The following CCSER1 variants were observed in gnomAD, a reference collection of about 807,000 sequenced individuals.
CCSER1 encodes coiled-coil serine rich protein 1.
Under a neutral mutation model 82.0 loss-of-function variants are expected in CCSER1, and 41 were observed. The observed-to-expected ratio is 0.50, with a 90% CI of 0.39 to 0.65. The LOEUF (loss-of-function observed/expected upper bound fraction) is 0.65. Among genes scored for constraint, CCSER1 ranks in the 30% least tolerant of loss-of-function variants. The probability of loss-of-function intolerance (pLI) is 0.00; values close to 1 mark genes in which losing one functional copy is unlikely to be tolerated. For missense variants in CCSER1, 1,119 were observed against 1,064.2 expected, an observed-to-expected ratio of 1.05 and a Z score of -0.72; for synonymous variants, 414 against 383.9, an observed-to-expected ratio of 1.08 and a Z score of -0.92.
At chr4:90,970,043 C>G (rs1215739107) in intron 9 of CCSER1, among the ~76,000 whole-genome samples, 2 of 150,322 alleles carry the variant, frequency 1.3e-5, no homozygotes, top group East Asian at 3.9e-4. Context: ...AAGAAAGAAA[C>G]AAAGAAACTG....
chr4:91,246,801 AG>A (rs1056331363), intron 10 of CCSER1, among the ~76,000 whole-genome samples: 3 of 149,478 alleles, frequency 2.0e-5, no homozygotes, highest in Non-Finnish European at 4.4e-5. Flanking sequence ...ATTTAAAAAA[AG>A]GCATCTCATA....
At chr4:91,217,656 A>T (rs569818530) in intron 10 of CCSER1, among the ~76,000 whole-genome samples, 3 of 152,302 alleles carry the variant, frequency 2.0e-5, no homozygotes, top group Admixed American at 1.3e-4. Context: ...CTTGAGTTAA[A>T]CACAGGGTGC....
At chr4:90,420,110 T>C (rs1756453078) in intron 4 of CCSER1, among the ~76,000 whole-genome samples, 1 of 151,988 alleles carries the variant, frequency 6.6e-6, no homozygotes, top group African/African-American at 2.4e-5. Context: ...TATATAATTA[T>C]CGATAATACA....
intron 3 of CCSER1, among the ~76,000 whole-genome samples, chr4:90,339,294 G>A (rs1740956834): frequency 6.6e-6 from 1 of 151,982 alleles, no homozygotes; most frequent in African/African-American, 2.4e-5. Flanking sequence ...CATATGTCGG[G>A]GTGGCCTCTC....
intron 10 of CCSER1, among the ~76,000 whole-genome samples, chr4:91,255,310 G>A (rs987114738): frequency 6.6e-6 from 1 of 152,100 alleles, no homozygotes; most frequent in African/African-American, 2.4e-5. Flanking sequence ...TAACCATAGA[G>A]TGTATTAAAA....
chr4:90,138,070 T>C (rs1466106021), intron 1 of CCSER1, among the ~76,000 whole-genome samples: 2 of 152,202 alleles, frequency 1.3e-5, no homozygotes, highest in Non-Finnish European at 2.9e-5. Context: ...AGGGCAGGGT[T>C]TTTATTTTAT....
chr4:90,829,743 C>CA (rs1294748387), intron 8 of CCSER1, among the ~76,000 whole-genome samples: 1 of 151,886 alleles, frequency 6.6e-6, no homozygotes, highest in Non-Finnish European at 1.5e-5. Flanking sequence ...TAGATGACAG[C>CA]AAAAAAAGAG....
In CCSER1 at chr4:90,379,400, T is replaced by A. The variant is rs185286443; in HGVS notation, c.1510-20636T>A. 1.5e-3 allele frequency among the ~76,000 whole-genome samples: 236 copies of A among 152,270 alleles called. 3 individuals are homozygous for A. The highest frequency in any genetic ancestry group is 1.5e-3 in the Non-Finnish European group (99 of 68,022). The stretch of plus-strand genomic sequence containing the variant: ...AGAGGTTAATGCCATCTATAGGACA[T>A]AGTTGAGGCTCTGAGGTTAAGCAAC... On this transcript the variant is annotated intron_variant, in intron 3 of 10. Coordinates refer to ENST00000509176, the MANE Select transcript of CCSER1 (RefSeq NM_001145065.2).
intron 10 of CCSER1, among the ~76,000 whole-genome samples, chr4:91,424,489 ACT>A (rs1487525958): frequency 2.0e-5 from 3 of 152,134 alleles, no homozygotes; most frequent in African/African-American, 7.2e-5. Flanking sequence ...AAATTATTCC[ACT>A]GTTTTACAAC....
Position 90,536,149 on chromosome 4 carries a change from C to T in CCSER1, c.1724+67795C>T, listed in dbSNP as rs560895746. On this transcript the variant is annotated intron_variant, in intron 5 of 10. Coordinates refer to ENST00000509176, the MANE Select transcript of CCSER1 (RefSeq NM_001145065.2). ...CTGGGTTCAAGCAATTCTCCTGCCTCAGCCTCCAGAGTAGCTGGGATTATA... is the reference window on the plus strand; with the variant it reads ...CTGGGTTCAAGCAATTCTCCTGCCTTAGCCTCCAGAGTAGCTGGGATTATA... Among the ~76,000 whole-genome samples, 13 of 150,626 alleles carry T rather than the reference C, an allele frequency of 8.6e-5. No individual in the cohort carries two copies. The South Asian group carries it at 2.5e-3, about 29-fold the overall frequency.
intron 10 of CCSER1, among the ~76,000 whole-genome samples, chr4:91,309,702 C>T (rs1479291479): frequency 6.6e-6 from 1 of 151,984 alleles, no homozygotes; most frequent in East Asian, 1.9e-4. Context: ...GAATGTAAAA[C>T]CAAAGCCAAC....
chr4:90,661,020 G>A (rs548209829), intron 6 of CCSER1, among the ~76,000 whole-genome samples: 2 of 152,158 alleles, frequency 1.3e-5, no homozygotes, highest in Non-Finnish European at 2.9e-5. Flanking sequence ...AATAACTGCT[G>A]TACAGTGTTT....
chr4:91,586,399 A>G (rs951186239), intron 10 of CCSER1, among the ~76,000 whole-genome samples: 8 of 151,664 alleles, frequency 5.3e-5, no homozygotes, highest in Non-Finnish European at 8.9e-5. Flanking sequence ...AATCTGGACC[A>G]TGCCATCAAG....
chr4:90,722,144 T>G (rs754571844), intron 6 of CCSER1, among the ~76,000 whole-genome samples: 1 of 151,770 alleles, frequency 6.6e-6, no homozygotes, highest in East Asian at 1.9e-4. Flanking sequence ...AAATTAAACC[T>G]TCATTGGAAA....
intron 3 of CCSER1, among the ~76,000 whole-genome samples, chr4:90,373,248 C>G (rs1184429075): frequency 6.6e-6 from 1 of 151,980 alleles, no homozygotes; most frequent in South Asian, 2.1e-4. Context: ...ATATATTGCT[C>G]TAAGTGATAT....
chr4:90,967,874 A>C lies in CCSER1; in HGVS notation c.2172+44427A>C, dbSNP rs116817096. On this transcript the variant is annotated intron_variant, in intron 9 of 10. Transcript: ENST00000509176. ...GGAAAAGTGCCAGCAGCCCAATGGGATAAATAATCCAAAAATAGACACACT... is the reference window on the plus strand; with the variant it reads ...GGAAAAGTGCCAGCAGCCCAATGGGCTAAATAATCCAAAAATAGACACACT... Among the ~76,000 whole-genome samples the C allele has an allele frequency of 9.8e-3, 1,496 of 152,188 alleles. 49 individuals are homozygous for C. Among genetic ancestry groups the C allele is most frequent in the African/African-American group, 0.034 (1,408 of 41,470 alleles).
chr4:91,323,861 T>C (rs1011829771), intron 10 of CCSER1, among the ~76,000 whole-genome samples: 1 of 152,230 alleles, frequency 6.6e-6, no homozygotes, highest in Non-Finnish European at 1.5e-5. Context: ...ACTAAAATCC[T>C]GCATTAGAGG....
chr4:90,258,120 A>G (rs982409966), intron 1 of CCSER1, among the ~76,000 whole-genome samples: 1 of 152,188 alleles, frequency 6.6e-6, no homozygotes, highest in African/African-American at 2.4e-5. Context: ...TCCAGACTCT[A>G]TAGCCAGATA....
In CCSER1 at chr4:90,328,182, G is replaced by A. The variant is rs140137349; in HGVS notation, c.1509+15135G>A. Among the ~76,000 whole-genome samples, 5 of 152,154 alleles carry A rather than the reference G, an allele frequency of 3.3e-5. No homozygotes were observed. In the East Asian group the frequency reaches 5.8e-4, roughly 18 times the overall value. On this transcript the variant is annotated intron_variant, in intron 3 of 10. Coordinates refer to ENST00000509176, the MANE Select transcript of CCSER1 (RefSeq NM_001145065.2). ...AAATCTGACAAAATTGAATAGGCACGACAATCACAATATATTAGATTTATA... is the reference window on the plus strand; with the variant it reads ...AAATCTGACAAAATTGAATAGGCACAACAATCACAATATATTAGATTTATA...
Sources: gnomAD v4.1 joint callset for allele counts (sites outside exome capture counted in the v4.1 genomes callset) on GRCh38, gnomAD v4.1.1 for gene constraint, MANE v1.5 for transcripts, NCBI Gene and HGNC (gene_info 2026-07-23, HGNC 2026-07-21) for gene names.